The following NAT1 variants were observed in gnomAD, a reference collection of about 807,000 sequenced individuals.
The protein encoded by NAT1 is N-acetyltransferase 1, also known as arylamine N-acetyltransferase 1.
For synonymous variants in NAT1, 144 were observed against 122.6 expected (o/e 1.17, Z -1.16); for missense variants, 400 against 339.2 (o/e 1.18, Z -1.41).
chr8:18,217,002 C>T (rs1347910290), intron 1 of NAT1: 2 of 1,539,008 alleles, frequency 1.3e-6, no homozygotes, highest in East Asian at 2.4e-5. Flanking sequence ...TGGGTCAGTA[C>T]CCTGGATGCA....
intron 2 of NAT1, among the ~76,000 whole-genome samples, chr8:18,197,285 C>T (rs531427757): frequency 6.6e-6 from 1 of 152,160 alleles, no homozygotes; most frequent in South Asian, 2.1e-4. Context: ...TTTTGTGACA[C>T]AGATTTTTTT....
intron 2 of NAT1, among the ~76,000 whole-genome samples, chr8:18,190,838 G>A (rs191528927): frequency 2.2e-4 from 34 of 152,210 alleles, no homozygotes; most frequent in African/African-American, 7.9e-4. Flanking sequence ...AGGCCGAGGT[G>A]GGTGGATAAC....
At chr8:18,181,410 A>C (rs1460082507) in intron 2 of NAT1, among the ~76,000 whole-genome samples, 2 of 152,154 alleles carry the variant, frequency 1.3e-5, no homozygotes, top group Non-Finnish European at 2.9e-5. Flanking sequence ...GGATTTTTAA[A>C]TGTTGATTTT....
intron 2 of NAT1, among the ~76,000 whole-genome samples, chr8:18,194,141 T>C (rs1341009357): frequency 1.3e-5 from 2 of 152,122 alleles, no homozygotes; most frequent in African/African-American, 4.8e-5. Flanking sequence ...CAGCCTGCTT[T>C]GTGTTCACTG....
chr8:18,180,485 T>C lies in NAT1; in HGVS notation n.92+9746T>C, dbSNP rs183661478. ...ATTTTGTTGAGGATTTTTGAATCTA[T>C]GTTCATTAGGAATGTTTGCCTGTAA... On this transcript the variant is annotated intron_variant and non_coding_transcript_variant, in intron 2 of 4. Coordinates refer to the NAT1 transcript ENST00000517441. 1.1e-3 allele frequency among the ~76,000 whole-genome samples: 169 copies of C among 152,304 alleles called. No individual in the cohort carries two copies. In the South Asian group the frequency reaches 0.011, roughly 10 times the overall value.
intron 2 of NAT1, among the ~76,000 whole-genome samples, chr8:18,173,805 C>T (rs1162606958): frequency 2.0e-5 from 3 of 152,088 alleles, no homozygotes; most frequent in African/African-American, 4.8e-5. Flanking sequence ...CAAATATTCT[C>T]GACTACCCCA....
intron 2 of NAT1, among the ~76,000 whole-genome samples, chr8:18,183,187 C>T (rs1260763641): frequency 1.3e-5 from 2 of 152,138 alleles, no homozygotes; most frequent in Admixed American, 1.3e-4. Flanking sequence ...AGAGAGCCCA[C>T]TCTTGAAAGC....
At chr8:18,188,492 G>C (rs1802833575) in intron 2 of NAT1, among the ~76,000 whole-genome samples, 2 of 151,884 alleles carry the variant, frequency 1.3e-5, no homozygotes, top group African/African-American at 2.4e-5. Context: ...ATTAGCTTTT[G>C]ACTCAAGTTT....
intron 2 of NAT1, among the ~76,000 whole-genome samples, chr8:18,184,319 C>G (rs1325714418): frequency 6.6e-6 from 1 of 152,246 alleles, no homozygotes; most frequent in East Asian, 1.9e-4. Context: ...GGATCAGAGT[C>G]CTGAGACAGC....
intron 1 of NAT1, among the ~76,000 whole-genome samples, chr8:18,211,626 G>A (rs1302323042): frequency 1.3e-5 from 2 of 152,194 alleles, no homozygotes; most frequent in African/African-American, 4.8e-5. Context: ...AATGGGAGCA[G>A]TGAGTGGCCT....
exon 1 of NAT1, chr8:18,170,505 C>T (rs1325613427): frequency 1.3e-5 from 2 of 152,126 alleles, no homozygotes; most frequent in Admixed American, 1.3e-4. Context: ...CTGCACAAAT[C>T]AGGTAGTCTC....
At chr8:18,190,518 C>CT (rs1195470597) in intron 2 of NAT1, among the ~76,000 whole-genome samples, 1 of 152,206 alleles carries the variant, frequency 6.6e-6, no homozygotes, top group Non-Finnish European at 1.5e-5. Flanking sequence ...AGGCGAAAAA[C>CT]TTTCCTGAGG....
chr8:18,188,101 A>T (rs571865627), intron 2 of NAT1, among the ~76,000 whole-genome samples: 1 of 152,304 alleles, frequency 6.6e-6, no homozygotes, highest in South Asian at 2.1e-4. Flanking sequence ...AGAAATTAAT[A>T]TACTTTTACT....
At chr8:18,208,365 C>A (rs968103586), upstream of NAT1, among the ~76,000 whole-genome samples, 1 of 152,062 alleles carries the variant, frequency 6.6e-6, no homozygotes, top group African/African-American at 2.4e-5. Context: ...TTGCCGATGA[C>A]GTGATCCTAC....
chr8:18,203,739 T>C (rs992093447), intron 2 of NAT1, among the ~76,000 whole-genome samples: 7 of 152,308 alleles, frequency 4.6e-5, no homozygotes, highest in African/African-American at 1.7e-4. Context: ...CCTTGTGATA[T>C]AGGAGTTAAG....
Position 18,219,426 on chromosome 8 carries a change from GA to G in NAT1, c.-68del, listed in dbSNP as rs1469938508. ...TTATTTCTAGAATTCAAGCCAGGAAGAAGCAGCAATCTGTCTTCTGGATTAA... is the reference window on the plus strand; with the variant it reads ...TTATTTCTAGAATTCAAGCCAGGAAGAGCAGCAATCTGTCTTCTGGATTAA... On this transcript the variant is annotated 5_prime_UTR_variant, in exon 2 of 3. Transcript: ENST00000307719. The G allele has an allele frequency of 6.5e-7, 1 of 1,549,998 alleles. No individual in the cohort carries two copies. Among genetic ancestry groups the G allele is most frequent in the African/African-American group, 1.4e-5 (1 of 73,056 alleles).
At chr8:18,183,031 A>G (rs935320054) in intron 2 of NAT1, among the ~76,000 whole-genome samples, 3 of 152,176 alleles carry the variant, frequency 2.0e-5, no homozygotes, top group African/African-American at 7.2e-5. Flanking sequence ...TTGTGCTGCT[A>G]TAACAGAATA....
At chr8:18,185,138 C>T (rs562763913) in intron 2 of NAT1, among the ~76,000 whole-genome samples, 123 of 152,096 alleles carry the variant, frequency 8.1e-4, no homozygotes, top group Non-Finnish European at 9.7e-4. Flanking sequence ...CGGGAATGTC[C>T]GTATCAAGTT....
rs200617057 is a variant in NAT1 at position 18,222,248 on chromosome 8, G to A, written c.201G>A (p.Trp67Ter). ...TTGTGAGAAGAAATCGGGGTGGATG[G>A]TGTCTCCAGGTCAATCATCTTCTGT... ...DQVVRRNRGG[W>*]CLQVNHLLYW... is the part of the protein sequence containing the mutation. Residue 67 changes from tryptophan (W) to a stop codon, truncating the protein, a stop_gained, in exon 3 of 3, where the codon TGG becomes TGA. Transcript: ENST00000307719. LOFTEE classifies it low-confidence loss of function (END_TRUNC). 6 of 1,614,100 alleles carry A rather than the reference G, an allele frequency of 3.7e-6. No individual in the cohort carries two copies. The highest frequency in any genetic ancestry group is 5.1e-6 in the Non-Finnish European group (6 of 1,180,002).
Sources: allele counts gnomAD v4.1 joint callset (sites outside exome capture counted in the v4.1 genomes callset), GRCh38; gene constraint gnomAD v4.1.1; transcripts MANE v1.5; gene names NCBI Gene and HGNC (gene_info 2026-07-23, HGNC 2026-07-21).